The following PREX1 variants were observed in gnomAD, a reference collection of about 807,000 sequenced individuals.
PREX1 encodes phosphatidylinositol-3,4,5-trisphosphate dependent Rac exchange factor 1, also known as phosphatidylinositol 3,4,5-trisphosphate-dependent Rac exchanger 1 protein.
In PREX1, 41 loss-of-function variants were observed where a neutral mutation model predicts 198.3. The ratio of observed to expected loss-of-function variants is 0.21; its 90% CI spans 0.16 to 0.27. The LOEUF is 0.27. Among genes scored for constraint, PREX1 ranks in the 10% least tolerant of loss-of-function variants. The pLI, the probability that PREX1 is intolerant of heterozygous loss-of-function variation, is 1.00. For synonymous variants in PREX1, 843 were observed against 887.2 expected (o/e 0.95, Z 0.89); for missense variants, 1,620 against 2,200.7 (o/e 0.74, Z 5.28).
intron 1 of PREX1, among the ~76,000 whole-genome samples, chr20:48,751,869 G>A (rs1389039773): frequency 1.3e-5 from 2 of 152,184 alleles, no homozygotes; most frequent in African/African-American, 4.8e-5. Context: ...AAAGAATAGA[G>A]AGAAACAACA....
intron 39 of PREX1, among the ~76,000 whole-genome samples, chr20:48,626,693 C>G (rs2122793892): frequency 6.6e-6 from 1 of 152,376 alleles, no homozygotes; most frequent in South Asian, 2.1e-4. Flanking sequence ...CACAGTGACT[C>G]TCGTCACCAC....
chr20:48,711,525 C>A (rs1358941572), intron 5 of PREX1, among the ~76,000 whole-genome samples: 1 of 152,090 alleles, frequency 6.6e-6, no homozygotes, highest in African/African-American at 2.4e-5. Flanking sequence ...ACCCATCATC[C>A]CTTTCATCCA....
chr20:48,722,093 C>A (rs2089988869), intron 5 of PREX1, among the ~76,000 whole-genome samples: 1 of 152,162 alleles, frequency 6.6e-6, no homozygotes, highest in African/African-American at 2.4e-5. Context: ...GAGGTCCGGG[C>A]TGAAGTCATC....
At chr20:48,812,458 AT>A (rs2090440683) in intron 1 of PREX1, among the ~76,000 whole-genome samples, 1 of 151,914 alleles carries the variant, frequency 6.6e-6, no homozygotes, top group Non-Finnish European at 1.5e-5. Flanking sequence ...TGGGTAAAAA[AT>A]ATAAGAGGAA....
chr20:48,675,019 TCTA>T (rs1487931407), intron 14 of PREX1, among the ~76,000 whole-genome samples: 11 of 152,174 alleles, frequency 7.2e-5, no homozygotes, highest in African/African-American at 2.7e-4. Flanking sequence ...AACCCCTGGG[TCTA>T]CTGAGGAATG....
intron 1 of PREX1, among the ~76,000 whole-genome samples, chr20:48,803,581 C>T (rs1272038250): frequency 6.6e-6 from 1 of 152,186 alleles, no homozygotes; most frequent in Non-Finnish European, 1.5e-5. Flanking sequence ...CCACCTGCAA[C>T]ACACAGGGCC....
chr20:48,867,233 C>G, the PREX1 span, among the ~76,000 whole-genome samples: 1 of 152,164 alleles, frequency 6.6e-6, no homozygotes, highest in Admixed American at 6.5e-5. Flanking sequence ...GAAGAGCCTG[C>G]AAGCCAATCC....
At chr20:48,797,334 G>A (rs536157749) in intron 1 of PREX1, among the ~76,000 whole-genome samples, 104 of 151,038 alleles carry the variant, frequency 6.9e-4, no homozygotes, top group African/African-American at 2.4e-3. Flanking sequence ...ACGGCCCCCT[G>A]CTCCCCCCAG....
chr20:48,716,493 C>T (rs769377572), intron 5 of PREX1, among the ~76,000 whole-genome samples: 6 of 152,200 alleles, frequency 3.9e-5, no homozygotes, highest in South Asian at 2.1e-4. Flanking sequence ...TCAGCTTCAC[C>T]GAAGGCCCAG....
chr20:48,872,498 C>A, the PREX1 span, among the ~76,000 whole-genome samples: 1 of 152,220 alleles, frequency 6.6e-6, no homozygotes, highest in Admixed American at 6.5e-5. Flanking sequence ...AATCTCAGCA[C>A]TTGGGGAGGC....
chr20:48,754,638 C>T (rs1384242707), intron 1 of PREX1, among the ~76,000 whole-genome samples: 1 of 146,426 alleles, frequency 6.8e-6, no homozygotes, highest in Non-Finnish European at 1.5e-5. Context: ...GGGGTGACCT[C>T]ACCAGACATA....
chr20:48,801,083 C>T (rs1195811447), intron 1 of PREX1, among the ~76,000 whole-genome samples: 1 of 152,096 alleles, frequency 6.6e-6, no homozygotes. Flanking sequence ...AGAATCCTTC[C>T]CTCACAGGCT....
chr20:48,791,545 A>T (rs182203102), intron 1 of PREX1, among the ~76,000 whole-genome samples: 1 of 152,336 alleles, frequency 6.6e-6, no homozygotes, highest in Admixed American at 6.5e-5. Context: ...GAGGAATCCC[A>T]AGATGACCAG....
intron 4 of PREX1, among the ~76,000 whole-genome samples, chr20:48,731,622 CACA>C (rs1465795800): frequency 1.3e-5 from 2 of 152,240 alleles, no homozygotes; most frequent in Admixed American, 1.3e-4. Flanking sequence ...TGGTGCCCAG[CACA>C]ACATGGATGG....
At chr20:48,716,159 G>A (rs1040482544) in intron 5 of PREX1, among the ~76,000 whole-genome samples, 1 of 152,156 alleles carries the variant, frequency 6.6e-6, no homozygotes, top group African/African-American at 2.4e-5. Context: ...GCCCCTCCAG[G>A]AGCCAGGCTG....
chr20:48,870,444 T>C, the PREX1 span, among the ~76,000 whole-genome samples: 1 of 152,192 alleles, frequency 6.6e-6, no homozygotes, highest in Non-Finnish European at 1.5e-5. Context: ...CCTGATCCGC[T>C]TCCCAGCTGA....
rs566130771 is a variant in PREX1 at position 48,771,526 on chromosome 20, C to G, written c.220-23646G>C. Among the ~76,000 whole-genome samples the G allele has an allele frequency of 1.1e-4, 17 of 151,996 alleles. No individual in the cohort carries two copies. In the South Asian group the frequency reaches 3.3e-3, roughly 30 times the overall value. On this transcript the variant is annotated intron_variant, in intron 1 of 39. Coordinates refer to ENST00000371941, the MANE Select transcript of PREX1 (RefSeq NM_020820.4). ...GTGGCTCACGCCTGTAATCCCAACACTTTGGGAGGCCGAGGCAGGTGAATG... is the reference window on the plus strand; with the variant it reads ...GTGGCTCACGCCTGTAATCCCAACAGTTTGGGAGGCCGAGGCAGGTGAATG...
upstream of PREX1, among the ~76,000 whole-genome samples, chr20:48,828,163 G>C (rs1274115526): frequency 6.6e-6 from 1 of 150,612 alleles, no homozygotes; most frequent in Non-Finnish European, 1.5e-5. Context: ...CGCTCTGCGC[G>C]TGCACGGGGC....
In PREX1 at chr20:48,797,470, G is replaced by A. The variant is rs1014158143; in HGVS notation, c.219+30172C>T. On this transcript the variant is annotated intron_variant, in intron 1 of 39. Transcript: ENST00000371941. ...ACCACCCCTCTTGTCTCTCACTTCC[G>A]CATTTAATTGCAAGTTCATGGGTAT... 2.6e-5 allele frequency among the ~76,000 whole-genome samples: 4 copies of A among 151,570 alleles called. 1 individual carries two copies. The East Asian group carries it at 7.8e-4, about 30-fold the overall frequency.
Sources: gnomAD v4.1 joint callset for allele counts (sites outside exome capture counted in the v4.1 genomes callset) on GRCh38, gnomAD v4.1.1 for gene constraint, MANE v1.5 for transcripts, NCBI Gene and HGNC (gene_info 2026-07-23, HGNC 2026-07-21) for gene names.